The following NACC2 variants were observed in gnomAD, a reference collection of about 807,000 sequenced individuals.
The protein encoded by NACC2 is NACC family member 2.
NACC2 carries 8 observed loss-of-function variants against 25.1 expected under a neutral mutation model. The ratio of observed to expected loss-of-function variants is 0.32; its 90% CI spans 0.19 to 0.57. NACC2 has a LOEUF of 0.57. Ranked by LOEUF, NACC2 falls within the 20% of genes least tolerant of loss-of-function variation. NACC2 has a pLI of 0.89. For synonymous variants in NACC2, 435 were observed against 294.7 expected, an observed-to-expected ratio of 1.48 and a Z score of -4.88; for missense variants, 644 against 650.2, an observed-to-expected ratio of 0.99 and a Z score of 0.10.
intron 1 of NACC2, among the ~76,000 whole-genome samples, chr9:136,058,105 C>T (rs966864068): frequency 2.6e-4 from 40 of 151,796 alleles, no homozygotes; most frequent in South Asian, 6.3e-4. Flanking sequence ...CCACTGGGGG[C>T]GGGGGGGGCC....
intron 2 of NACC2, among the ~76,000 whole-genome samples, chr9:136,046,458 C>CCTTAA (rs1840726384): frequency 6.6e-6 from 1 of 152,214 alleles, no homozygotes; most frequent in Admixed American, 6.5e-5. Flanking sequence ...CCCTGCCTGC[C>CCTTAA]GCAGGGGTGA....
chr9:136,093,210 G>A (rs147261299), intron 1 of NACC2, among the ~76,000 whole-genome samples: 1 of 152,340 alleles, frequency 6.6e-6, no homozygotes, highest in East Asian at 1.9e-4. Flanking sequence ...CAGGACTCCG[G>A]AGGCAGAGGC....
intron 1 of NACC2, among the ~76,000 whole-genome samples, chr9:136,065,811 C>A (rs1303677624): frequency 5.8e-4 from 79 of 136,840 alleles, no homozygotes; most frequent in Non-Finnish European, 5.5e-4. Context: ...ACCCTGTCTC[C>A]AAAAAAAAAA....
chr9:136,063,605 C>T (rs577370593), intron 1 of NACC2, among the ~76,000 whole-genome samples: 2 of 152,248 alleles, frequency 1.3e-5, no homozygotes, highest in South Asian at 2.1e-4. Flanking sequence ...TTAAAAAGGC[C>T]GAGCACGGTG....
At chr9:136,066,532 G>A (rs1055420268) in intron 1 of NACC2, among the ~76,000 whole-genome samples, 1 of 152,168 alleles carries the variant, frequency 6.6e-6, no homozygotes, top group Non-Finnish European at 1.5e-5. Flanking sequence ...GAGATGTAGC[G>A]ATCGGGAATG....
rs945873103 is a variant in NACC2 at position 136,013,435 on chromosome 9, G to A, written c.1158-139C>T. The A allele has an allele frequency of 2.9e-6, 2 of 680,492 alleles. No individual in the cohort carries two copies. Among genetic ancestry groups the A allele is most frequent in the Non-Finnish European group, 5.0e-6 (2 of 400,452 alleles). The allele number at this position is 680,492 out of a possible 1,614,324, so 42.2% of individuals were successfully genotyped here. ...GTCTGCGTGTGTCCCAGTGGCAGGA[G>A]CCGGCCCAGCCACCCTCTAAGGGAC... On this transcript the variant is annotated intron_variant, in intron 4 of 5. Transcript: ENST00000277554. This position sits in a 1 kb window ranked among gnomAD's most constrained non-coding sequence, Gnocchi z 6.6.
chr9:136,050,707 C>G (rs1588571953), intron 1 of NACC2, 127 bp from the exon 2 acceptor site: 1 of 618,622 alleles, frequency 1.6e-6, no homozygotes, highest in South Asian at 1.8e-5. Context: ...CGCGCCCTCC[C>G]CCGCCCCTCC....
chr9:136,069,891 C>T (rs1169656984), intron 1 of NACC2, among the ~76,000 whole-genome samples: 1 of 151,760 alleles, frequency 6.6e-6, no homozygotes, highest in Non-Finnish European at 1.5e-5. Flanking sequence ...CTTCTCTAAA[C>T]AAGGATAGAA....
intron 2 of NACC2, among the ~76,000 whole-genome samples, chr9:136,041,071 G>GC (rs1564227358): frequency 4.0e-4 from 60 of 148,398 alleles, no homozygotes; most frequent in Middle Eastern, 3.5e-3. Context: ...AAGGAAGGAA[G>GC]GAAGGAAAGG....
rs1840106866 is a variant in NACC2 at position 136,011,575 on chromosome 9, G to A, written c.1705C>T (p.Pro569Ser). ...FEQGGGGPSR[P>S]QTPAAAARRP... ...CGGGCCGCGGCCGCCGGCGTCTGGG[G>A]CCTGCTGGGGCCGCCCCCGCCCTGC... The change falls in exon 6 of 6, where the codon CCC becomes TCC. Residue 569 changes from proline (P) to serine (S), a missense_variant. Pro to Ser is a moderately conservative substitution (Grantham distance 74, BLOSUM62 -1). Transcript: ENST00000277554. 7.1e-7 allele frequency: 1 copy of A among 1,406,550 alleles called. No homozygotes were observed. The highest frequency in any genetic ancestry group is 9.2e-7 in the Non-Finnish European group (1 of 1,086,230). 87.1% of individuals were successfully genotyped at this position (1,406,550 alleles called of 1,614,324 possible). A position where few individuals can be genotyped will look rare whatever the true frequency, so the allele number is the denominator to read the frequency against.
chr9:136,039,539 C>T (rs1025160402), intron 2 of NACC2, among the ~76,000 whole-genome samples: 2 of 152,124 alleles, frequency 1.3e-5, no homozygotes, highest in Non-Finnish European at 2.9e-5. Flanking sequence ...AATTACAGAT[C>T]AATAACCTTC....
intron 2 of NACC2, among the ~76,000 whole-genome samples, chr9:136,027,035 C>T (rs1840402631): frequency 6.6e-6 from 1 of 152,198 alleles, no homozygotes; most frequent in African/African-American, 2.4e-5. Context: ...TCAAGACCAG[C>T]CTGGCCAACA....
intron 2 of NACC2, among the ~76,000 whole-genome samples, chr9:136,047,205 C>T (rs1179142493): frequency 6.6e-6 from 1 of 152,122 alleles, no homozygotes; most frequent in Non-Finnish European, 1.5e-5. Context: ...GTTCCCCGGA[C>T]GAGCCCGGGA....
rs761815237 is a variant in NACC2 at position 136,013,224 on chromosome 9, G to A, written c.1230C>T (p.Asp410=). The stretch of plus-strand genomic sequence containing the variant: ...ATTTCACAGCGTTCAGGACCCGGCT[G>A]TCCAGCGGCTTCCGGCTGGGGTCGC... ...STSDPSRKPL[D]SRVLNAVKLY... is the part of the protein sequence containing the mutation. Residue 410 remains aspartate, a synonymous_variant, in exon 5 of 6, where the codon GAC becomes GAT. Coordinates refer to ENST00000277554, the MANE Select transcript of NACC2 (RefSeq NM_144653.5). This position sits in a 1 kb window ranked among gnomAD's most constrained non-coding sequence, Gnocchi z 6.6. 6.2e-6 allele frequency: 10 copies of A among 1,611,088 alleles called. No individual in the cohort carries two copies. The highest frequency in any genetic ancestry group is 2.2e-5 in the South Asian group (2 of 90,970).
intron 2 of NACC2, among the ~76,000 whole-genome samples, chr9:136,031,367 T>C (rs1840470019): frequency 7.4e-6 from 1 of 134,390 alleles, no homozygotes; most frequent in Admixed American, 7.6e-5. Context: ...AGATAGAGTC[T>C]TGCTCCATCA....
At chr9:136,066,447 A>G (rs1841081939) in intron 1 of NACC2, among the ~76,000 whole-genome samples, 1 of 152,196 alleles carries the variant, frequency 6.6e-6, no homozygotes, top group South Asian at 2.1e-4. Context: ...CAAAACCACA[A>G]AGAGATACCA....
intron 2 of NACC2, among the ~76,000 whole-genome samples, chr9:136,027,001 G>A (rs898318185): frequency 1.3e-5 from 2 of 152,186 alleles, no homozygotes; most frequent in Admixed American, 1.3e-4. Flanking sequence ...GGCTGAAGCA[G>A]GGGGATCACC....
chr9:136,093,828 G>A (rs970443953), intron 1 of NACC2, among the ~76,000 whole-genome samples: 2 of 151,878 alleles, frequency 1.3e-5, no homozygotes, highest in South Asian at 2.1e-4. Flanking sequence ...GGCGGGTGGG[G>A]CGGGGGCTGC....
chr9:136,017,227 A>C (rs1219488494), intron 2 of NACC2, among the ~76,000 whole-genome samples: 1 of 152,162 alleles, frequency 6.6e-6, no homozygotes, highest in Non-Finnish European at 1.5e-5. Flanking sequence ...CAGGACCTGC[A>C]GCTGTGCAGC....
Sources: gnomAD v4.1 joint callset for allele counts (sites outside exome capture counted in the v4.1 genomes callset) on GRCh38, gnomAD v4.1.1 for gene constraint, Gnocchi (gnomAD v3.1) non-coding constraint, MANE v1.5 for transcripts, NCBI Gene and HGNC (gene_info 2026-07-23, HGNC 2026-07-21) for gene names.